The following ZNF536 variants were observed in gnomAD, a reference collection of about 807,000 sequenced individuals.
The protein encoded by ZNF536 is zinc finger protein 536.
In ZNF536, 13 loss-of-function variants were observed where a neutral mutation model predicts 84.5. That is an observed-to-expected ratio of 0.15 (90% CI 0.10 to 0.24). ZNF536 has a LOEUF of 0.24. ZNF536 is among the 10% of genes least tolerant of loss of function. The probability of loss-of-function intolerance (pLI) is 1.00; values close to 1 mark genes in which losing one functional copy is unlikely to be tolerated. For missense variants in ZNF536, 1,536 were observed against 1,747.5 expected (o/e 0.88, Z 2.16); for synonymous variants, 811 against 742.5 (o/e 1.09, Z -1.50).
chr19:30,324,490 C>T (rs1335765864), intron 2 of ZNF536, among the ~76,000 whole-genome samples: 4 of 152,218 alleles, frequency 2.6e-5, no homozygotes, highest in Admixed American at 2.6e-4. Flanking sequence ...TCAGACAGTC[C>T]TCCCACTTCA....
At chr19:30,297,675 G>A (rs2046043255) in intron 2 of ZNF536, among the ~76,000 whole-genome samples, 1 of 152,180 alleles carries the variant, frequency 6.6e-6, no homozygotes, top group African/African-American at 2.4e-5. Context: ...GGCCGCTCGA[G>A]TAAACGAGTG....
At chr19:30,504,307 C>T (rs2055070397) in intron 2 of ZNF536, among the ~76,000 whole-genome samples, 1 of 145,656 alleles carries the variant, frequency 6.9e-6, no homozygotes, top group Non-Finnish European at 1.5e-5. Flanking sequence ...TCCTTCCTTC[C>T]TCCCTCCCAC....
chr19:30,326,075 C>A (rs539518314), intron 2 of ZNF536, among the ~76,000 whole-genome samples: 3 of 152,202 alleles, frequency 2.0e-5, no homozygotes, highest in Non-Finnish European at 4.4e-5. Context: ...TATTTACAGT[C>A]AAAATCCCCT....
At chr19:30,636,474 A>G (rs1382689375) in intron 1 of ZNF536, among the ~76,000 whole-genome samples, 2 of 152,194 alleles carry the variant, frequency 1.3e-5, no homozygotes, top group African/African-American at 4.8e-5. Context: ...ATGTTCTTCA[A>G]GTAAGAGGCT....
At position 30,394,165 on chromosome 19, in the gene ZNF536, C is replaced by T. The variant is rs2147381115; in HGVS notation, c.-3+21609C>T. ...TGTAACAATGAACACACGGGACCCC[C>T]TTGGATGGTTCCTTAATTGGTGGTC... On this transcript the variant is annotated intron_variant, in intron 1 of 4. Coordinates refer to ENST00000355537, the MANE Select transcript of ZNF536 (RefSeq NM_014717.3). Among the ~76,000 whole-genome samples, 3 of 152,270 alleles carry T rather than the reference C, an allele frequency of 2.0e-5. No homozygotes were observed. The East Asian group carries it at 5.8e-4, about 29-fold the overall frequency.
chr19:30,392,366 G>C (rs553932434), intron 1 of ZNF536, among the ~76,000 whole-genome samples: 44 of 152,148 alleles, frequency 2.9e-4, no homozygotes, highest in Non-Finnish European at 5.4e-4. Flanking sequence ...CCATTAAGGA[G>C]ACCACAGAAT....
At chr19:30,517,972 ACCTAC>A (rs1470532321) in intron 2 of ZNF536, among the ~76,000 whole-genome samples, 17 of 152,142 alleles carry the variant, frequency 1.1e-4, no homozygotes, top group African/African-American at 4.1e-4. Flanking sequence ...CACAGCGTGT[ACCTAC>A]CCCCTCCTTT....
chr19:30,701,191 T>TCACACACA lies in ZNF536; in HGVS notation c.170-9546_170-9539dup, dbSNP rs56314262. Among the ~76,000 whole-genome samples, 3 of 149,890 alleles carry TCACACACA rather than the reference T, an allele frequency of 2.0e-5. 1 individual carries two copies. The highest frequency in any genetic ancestry group is 4.2e-4 in the South Asian group (2 of 4,742). On this transcript the variant is annotated intron_variant, in intron 1 of 1. Transcript: ENST00000592773. ...CTGGTGCATGTGCTATATCTCACTCTCACACACACACACACACACACACAC... is the reference window on the plus strand; with the variant it reads ...CTGGTGCATGTGCTATATCTCACTCTCACACACACACACACACACACACACACACACAC...
chr19:30,705,689 C>G (rs2052197838), intron 1 of ZNF536, among the ~76,000 whole-genome samples: 1 of 152,140 alleles, frequency 6.6e-6, no homozygotes, highest in African/African-American at 2.4e-5. Flanking sequence ...TCAGTATTAT[C>G]TACAAAGCTT....
chr19:30,530,331 T>TTTGTTGTTGTTG (rs140017176), intron 2 of ZNF536, among the ~76,000 whole-genome samples: 109 of 151,422 alleles, frequency 7.2e-4, no homozygotes, highest in African/African-American at 2.6e-3. Flanking sequence ...TCTCTGTCTT[T>TTTGTTGTTGTTG]TTGTTGTTGT....
intron 1 of ZNF536, among the ~76,000 whole-genome samples, chr19:30,393,084 TA>T (rs1300794887): frequency 6.6e-6 from 1 of 152,178 alleles, no homozygotes; most frequent in African/African-American, 2.4e-5. Context: ...GCTGGGGAAT[TA>T]TGTGAGTCCA....
intron 3 of ZNF536, among the ~76,000 whole-genome samples, chr19:30,544,835 C>T (rs146924412): frequency 1.3e-4 from 20 of 152,298 alleles, no homozygotes; most frequent in Non-Finnish European, 2.8e-4. Flanking sequence ...TGAGACCCCA[C>T]AGAACATGTG....
intron 1 of ZNF536, among the ~76,000 whole-genome samples, chr19:30,433,674 T>C (rs1016144095): frequency 7.8e-4 from 119 of 152,330 alleles, no homozygotes; most frequent in African/African-American, 2.8e-3. Context: ...ATTTTGTGTT[T>C]TTAGTAGAGA....
chr19:30,517,175 A>G lies in ZNF536; in HGVS notation c.2171-17672A>G, dbSNP rs577927690. Among the ~76,000 whole-genome samples, 12 of 152,318 alleles carry G rather than the reference A, an allele frequency of 7.9e-5. No homozygotes were observed. The East Asian group carries it at 2.1e-3, about 27-fold the overall frequency. ...AGCGAAGAATCAAAGGGTATTTGCT[A>G]TCACTTGAAAGTCTGTTTCTCTCCC... is the stretch of plus-strand genomic sequence containing the variant. On this transcript the variant is annotated intron_variant, in intron 2 of 4. Coordinates refer to ENST00000355537, the MANE Select transcript of ZNF536 (RefSeq NM_014717.3).
At chr19:30,583,665 C>A (rs528041050) in intron 1 of ZNF536, among the ~76,000 whole-genome samples, 3 of 152,142 alleles carry the variant, frequency 2.0e-5, no homozygotes. Flanking sequence ...GTACATGGAC[C>A]CTTGAAGGGG....
intron 1 of ZNF536, among the ~76,000 whole-genome samples, chr19:30,240,106 C>T (rs2023829971): frequency 6.6e-6 from 1 of 152,106 alleles, no homozygotes; most frequent in African/African-American, 2.4e-5. Flanking sequence ...TGGTGGCTCA[C>T]ACCTGTAATC....
chr19:30,501,908 G>A (rs554136312), intron 2 of ZNF536, among the ~76,000 whole-genome samples: 18 of 152,320 alleles, frequency 1.2e-4, no homozygotes, highest in Non-Finnish European at 1.3e-4. Context: ...TGGAACACTA[G>A]GCATAAATGG....
At chr19:30,594,874 G>A (rs1362464938) in intron 1 of ZNF536, among the ~76,000 whole-genome samples, 3 of 152,018 alleles carry the variant, frequency 2.0e-5, no homozygotes, top group African/African-American at 4.8e-5. Context: ...TGTGGGATTC[G>A]AGGCACCCCC....
intron 2 of ZNF536, among the ~76,000 whole-genome samples, chr19:30,494,970 AG>A (rs1274596858): frequency 6.8e-6 from 1 of 148,046 alleles, no homozygotes; most frequent in Non-Finnish European, 1.5e-5. Context: ...AAAAAAAAAA[AG>A]CCCCCTCAGC....
Sources: allele counts gnomAD v4.1 joint callset (sites outside exome capture counted in the v4.1 genomes callset), GRCh38; gene constraint gnomAD v4.1.1; transcripts MANE v1.5; gene names NCBI Gene and HGNC (gene_info 2026-07-23, HGNC 2026-07-21).